Variants in AP3B1 observed in about 807,000 individuals in gnomAD.
AP3B1 encodes AP-3 complex subunit beta-1.
AP3B1 carries 61 observed loss-of-function variants against 132.5 expected under a neutral mutation model. That is an observed-to-expected ratio of 0.46 (90% CI 0.37 to 0.57). AP3B1 has a LOEUF of 0.57. Among genes scored for constraint, AP3B1 ranks in the 20% least tolerant of loss-of-function variants. The pLI, the probability that AP3B1 is intolerant of heterozygous loss-of-function variation, is 0.00. For synonymous variants in AP3B1, 388 were observed against 438.3 expected (o/e 0.89, Z 1.43); for missense variants, 1,120 against 1,289.4 (o/e 0.87, Z 2.01).
intron 22 of AP3B1, among the ~76,000 whole-genome samples, chr5:78,082,922 TCTC>T (rs1310497171): frequency 3.0e-4 from 45 of 152,018 alleles, no homozygotes; most frequent in Non-Finnish European, 1.5e-5. Flanking sequence ...TTTAAGCAAT[TCTC>T]CTGTCTCAGC....
chr5:78,089,533 T>C (rs374354133), intron 21 of AP3B1, 34 bp from the exon 22 acceptor site: 5 of 1,345,298 alleles, frequency 3.7e-6, no homozygotes, highest in African/African-American at 2.9e-5. Flanking sequence ...TAAATGTGCA[T>C]GAACGTTTAA....
At chr5:78,193,740 T>TATATATATATCTA (rs1561469382) in intron 7 of AP3B1, among the ~76,000 whole-genome samples, 12 of 41,704 alleles carry the variant, frequency 2.9e-4, no homozygotes, top group Non-Finnish European at 4.7e-4. Flanking sequence ...TTGTATATAT[T>TATATATATATCTA]TTTTTATATA....
chr5:78,198,153 C>G (rs1308678387), intron 7 of AP3B1, among the ~76,000 whole-genome samples: 1 of 152,156 alleles, frequency 6.6e-6, no homozygotes, highest in Non-Finnish European at 1.5e-5. Flanking sequence ...TACCCACTTG[C>G]CTTCTGAATT....
chr5:78,212,595 G>A (rs576637503), intron 7 of AP3B1, among the ~76,000 whole-genome samples: 236 of 152,122 alleles, frequency 1.6e-3, no homozygotes, highest in African/African-American at 5.6e-3. Context: ...GGGAATGGAG[G>A]GCTAGAGTGA....
At position 78,193,768 on chromosome 5, in the gene AP3B1, ATATT is replaced by A. The variant is rs1554074863; in HGVS notation, c.787-12110_787-12107del. 1.8e-3 allele frequency among the ~76,000 whole-genome samples: 119 copies of A among 66,666 alleles called. 3 individuals carry two copies. Among genetic ancestry groups the A allele is most frequent in the Middle Eastern group, 0.013 (2 of 150 alleles). The allele number at this position is 66,666 out of a possible 152,430, so 43.7% of individuals were successfully genotyped here. A position where few individuals can be genotyped will look rare whatever the true frequency, so the allele number is the denominator to read the frequency against. ...TTTATATATATATATATATATATAT[ATATT>A]TTTTTTTTAGACAGAGTCTCGCTCT... is the stretch of plus-strand genomic sequence containing the variant. On this transcript the variant is annotated intron_variant, in intron 7 of 26. Coordinates refer to ENST00000255194, the MANE Select transcript of AP3B1 (RefSeq NM_003664.5).
At chr5:78,185,953 T>C (rs1041363260) in intron 7 of AP3B1, among the ~76,000 whole-genome samples, 2 of 152,114 alleles carry the variant, frequency 1.3e-5, no homozygotes, top group African/African-American at 4.8e-5. Context: ...GATGGAATTC[T>C]AAAAAATGTT....
chr5:78,055,018 CACACA>C (rs1748746241), intron 22 of AP3B1, among the ~76,000 whole-genome samples: 1 of 340 alleles, frequency 2.9e-3, no homozygotes, highest in African/African-American at 0.014. Context: ...GACCTACAGA[CACACA>C]CACACACACA....
chr5:78,159,169 T>G (rs1170555342), intron 13 of AP3B1, among the ~76,000 whole-genome samples: 23 of 152,202 alleles, frequency 1.5e-4, no homozygotes, highest in Admixed American at 1.5e-3. Context: ...GAATGCATAG[T>G]ATAACAAATT....
Position 78,065,487 on chromosome 5 carries a change from G to T in AP3B1, c.2577+23906C>A, listed in dbSNP as rs577128886. ...CGTTTTCCCCTGCCAGTGCCGGGGA[G>T]ACTGGGCGGTTTGGACCCCGGAGGA... On this transcript the variant is annotated intron_variant, in intron 22 of 26. Transcript: ENST00000255194. Among the ~76,000 whole-genome samples, 268 of 152,266 alleles carry T rather than the reference G, an allele frequency of 1.8e-3. 1 individual carries two copies. Among genetic ancestry groups the T allele is most frequent in the African/African-American group, 6.2e-3 (257 of 41,556 alleles).
chr5:78,206,766 G>C (rs1254167280), intron 7 of AP3B1, among the ~76,000 whole-genome samples: 1 of 152,058 alleles, frequency 6.6e-6, no homozygotes, highest in Admixed American at 6.6e-5. Flanking sequence ...AAAAAGATTA[G>C]ACCATTGAAA....
Position 78,281,173 on chromosome 5 carries a change from G to A in AP3B1, c.128+13279C>T, listed in dbSNP as rs372811867. Among the ~76,000 whole-genome samples, 8 of 151,990 alleles carry A rather than the reference G, an allele frequency of 5.3e-5. No homozygotes were observed. In the East Asian group the frequency reaches 7.7e-4, roughly 15 times the overall value. On this transcript the variant is annotated intron_variant, in intron 1 of 26. Coordinates refer to ENST00000255194, the MANE Select transcript of AP3B1 (RefSeq NM_003664.5). ...TTCTCGGCCGGGCGCAGTGGCTCGC[G>A]CCTGTAATTCCAGCACTTTGGGAGG...
At chr5:78,195,824 A>AATAAAC (rs1471062894) in intron 7 of AP3B1, among the ~76,000 whole-genome samples, 2 of 152,016 alleles carry the variant, frequency 1.3e-5, no homozygotes, top group African/African-American at 4.8e-5. Flanking sequence ...CATCTCAAAA[A>AATAAAC]ATAAAAATAA....
intron 2 of AP3B1, among the ~76,000 whole-genome samples, chr5:78,250,241 A>T (rs2112534733): frequency 6.6e-6 from 1 of 152,310 alleles, no homozygotes; most frequent in South Asian, 2.1e-4. Context: ...AGCAGAATAT[A>T]TAGTACCTAT....
Position 78,288,602 on chromosome 5 carries a change from C to T in AP3B1, c.128+5850G>A, listed in dbSNP as rs1230148912. Among the ~76,000 whole-genome samples, 3 of 152,140 alleles carry T rather than the reference C, an allele frequency of 2.0e-5. No homozygotes were observed. The East Asian group carries it at 5.8e-4, about 29-fold the overall frequency. On this transcript the variant is annotated intron_variant, in intron 1 of 26. Coordinates refer to ENST00000255194, the MANE Select transcript of AP3B1 (RefSeq NM_003664.5). The stretch of plus-strand genomic sequence containing the variant: ...ATGAGGGTTTCCTTCTGTATAGGGT[C>T]CACGGAATCAGTCATGCTTCATTTT...
chr5:78,106,680 C>T (rs1751354142), intron 20 of AP3B1, among the ~76,000 whole-genome samples: 1 of 152,048 alleles, frequency 6.6e-6, no homozygotes, highest in Non-Finnish European at 1.5e-5. Context: ...TAATGAAGAG[C>T]TAATCTAGAA....
At chr5:78,259,694 G>A (rs1178490004) in intron 2 of AP3B1, among the ~76,000 whole-genome samples, 2 of 152,010 alleles carry the variant, frequency 1.3e-5, no homozygotes, top group Non-Finnish European at 1.5e-5. Context: ...ATGGCCGGGT[G>A]CAGTGGCTCA....
At chr5:78,132,237 T>A (rs2112307425) in intron 15 of AP3B1, among the ~76,000 whole-genome samples, 1 of 152,326 alleles carries the variant, frequency 6.6e-6, no homozygotes, top group African/African-American at 2.4e-5. Context: ...TCCATAGTTT[T>A]CTTAATTAAA....
intron 8 of AP3B1, among the ~76,000 whole-genome samples, chr5:78,177,871 C>T (rs528730665): frequency 2.6e-5 from 4 of 152,304 alleles, no homozygotes; most frequent in South Asian, 4.1e-4. Flanking sequence ...TCCCTCAGAG[C>T]GTACAGAAGT....
intron 25 of AP3B1, among the ~76,000 whole-genome samples, chr5:78,018,671 AACACACAC>A (rs3050070): frequency 1.3e-3 from 189 of 146,676 alleles, no homozygotes; most frequent in Non-Finnish European, 2.2e-3. Context: ...AAGCTGGTGT[AACACACAC>A]ACACACACAC....
Sources: allele counts gnomAD v4.1 joint callset (sites outside exome capture counted in the v4.1 genomes callset), GRCh38; gene constraint gnomAD v4.1.1; transcripts MANE v1.5; gene names NCBI Gene and HGNC (gene_info 2026-07-23, HGNC 2026-07-21).